Variants in KATNBL1 observed in about 807,000 individuals in gnomAD.
KATNBL1 encodes katanin regulatory subunit B1 like 1, also known as KATNB1-like protein 1.
A neutral mutation model predicts 44.7 loss-of-function variants in KATNBL1; 28 were observed. That is an observed-to-expected ratio of 0.63 (90% CI 0.46 to 0.86). The LOEUF (loss-of-function observed/expected upper bound fraction) is 0.86, where lower values mean the gene tolerates loss of function less well. Among genes scored for constraint, KATNBL1 ranks in the 40% least tolerant of loss-of-function variants. The probability of loss-of-function intolerance (pLI) is 0.00; values close to 1 mark genes in which losing one functional copy is unlikely to be tolerated. For missense variants in KATNBL1, 272 were observed against 350.7 expected (o/e 0.78, Z 1.79); for synonymous variants, 78 against 114.9 (o/e 0.68, Z 2.06).
intron 9 of KATNBL1, among the ~76,000 whole-genome samples, chr15:34,143,793 CA>C (rs560420668): frequency 0.11 from 7,118 of 64,218 alleles, 231 homozygotes; most frequent in African/African-American, 0.16. Context: ...ACTAAAAATA[CA>C]AAAAAAAAAA....
chr15:34,152,857 T>C lies in KATNBL1; in HGVS notation c.371A>G (p.Asn124Ser), dbSNP rs1338665999. Reference sequence around the variant, plus strand: ...CTGTGAAGAACCAGAATCACTGGAGTTAACCAAATATGTTCGACTATCATG... The same window carrying C: ...CTGTGAAGAACCAGAATCACTGGAGCTAACCAAATATGTTCGACTATCATG... Reference protein sequence around the residue: ...LHHDSRTYLVNSSDSGSSQTE... With the variant: ...LHHDSRTYLVSSSDSGSSQTE... The change falls in exon 4 of 10, where the codon AAC becomes AGC. Residue 124 changes from asparagine (N) to serine (S), a missense_variant. Asn to Ser is a conservative substitution (Grantham distance 46). Coordinates refer to ENST00000256544, the MANE Select transcript of KATNBL1 (RefSeq NM_024713.3). 1 of 1,613,890 alleles carries C rather than the reference T, an allele frequency of 6.2e-7. No individual in the cohort carries two copies. The highest frequency in any genetic ancestry group is 8.5e-7 in the Non-Finnish European group (1 of 1,179,796).
In KATNBL1 at chr15:34,167,417, G is replaced by A. The variant is rs111711922; in HGVS notation, c.-14-3727C>T. Among the ~76,000 whole-genome samples the A allele has an allele frequency of 7.9e-3, 1,201 of 152,188 alleles. 16 individuals carry two copies. The highest frequency in any genetic ancestry group is 0.027 in the African/African-American group (1,133 of 41,520). On this transcript the variant is annotated intron_variant, in intron 1 of 9. Coordinates refer to ENST00000256544, the MANE Select transcript of KATNBL1 (RefSeq NM_024713.3). ...TAGAGAAAAAAGAGTGAAAAGAAAC[G>A]AACAAAGCCTCCAAGAAACATGGGA...
rs1197050934 is a variant in KATNBL1 at position 34,145,603 on chromosome 15, G to A, written c.789-112C>T. 17 of 969,072 alleles carry A rather than the reference G, an allele frequency of 1.8e-5. No individual in the cohort carries two copies. In the East Asian group the frequency reaches 2.0e-4, roughly 11 times the overall value. The allele number at this position is 969,072 out of a possible 1,614,324, so 60.0% of individuals were successfully genotyped here. ...CTAAAATTTTTCAGGTATTTTTCAG[G>A]AGAAAATGATGCTATTTGAAATAAA... On this transcript the variant is annotated intron_variant, in intron 8 of 9. Coordinates refer to ENST00000256544, the MANE Select transcript of KATNBL1 (RefSeq NM_024713.3).
intron 5 of KATNBL1, chr15:34,148,416 C>G: frequency 2.8e-6 from 1 of 359,932 alleles, no homozygotes. Context: ...GACCTCATGT[C>G]TTCCAAAAAA....
Position 34,142,378 on chromosome 15 carries a change from A to G in KATNBL1, c.883-7T>C. ...ATAAATAAGCATCTACATCCTTAGA[A>G]GATAAAACAAAAACATTTCATTAGA... On this transcript the variant is annotated splice_polypyrimidine_tract_variant and splice_region_variant and intron_variant, in intron 9 of 9. Coordinates refer to ENST00000256544, the MANE Select transcript of KATNBL1 (RefSeq NM_024713.3). 6.3e-7 allele frequency: 1 copy of G among 1,582,268 alleles called. No individual in the cohort carries two copies. The highest frequency in any genetic ancestry group is 8.6e-7 in the Non-Finnish European group (1 of 1,163,154).
At chr15:34,208,797 TTAAG>T (rs1890358481) in intron 1 of KATNBL1, 1 of 152,174 alleles carries the variant, frequency 6.6e-6, no homozygotes, top group African/African-American at 2.4e-5. Context: ...TCTCCGAAGT[TTAAG>T]TAAATGAAAT....
Position 34,189,220 on chromosome 15 carries a change from T to C in KATNBL1, c.-15+20731A>G, listed in dbSNP as rs1307466182. The stretch of plus-strand genomic sequence containing the variant: ...TGTATTTTTAGTAGAGATGGGGTTT[T>C]GCCATGCTGGCCAGGCTGGTCTCGA... On this transcript the variant is annotated intron_variant, in intron 1 of 9. Coordinates refer to ENST00000256544, the MANE Select transcript of KATNBL1 (RefSeq NM_024713.3). Among the ~76,000 whole-genome samples the C allele has an allele frequency of 3.9e-5, 6 of 152,294 alleles. No individual in the cohort carries two copies. In the East Asian group the frequency reaches 9.7e-4, roughly 25 times the overall value.
At chr15:34,181,597 T>C (rs1368545341) in intron 1 of KATNBL1, among the ~76,000 whole-genome samples, 502 of 45,226 alleles carry the variant, frequency 0.011, 22 homozygotes, top group African/African-American at 0.022. Flanking sequence ...TATATACACA[T>C]ATATATGTCC....
At chr15:34,186,568 A>G (rs74007703) in intron 1 of KATNBL1, among the ~76,000 whole-genome samples, 6 of 152,204 alleles carry the variant, frequency 3.9e-5, no homozygotes, top group African/African-American at 1.4e-4. Flanking sequence ...GCCTCTTCCA[A>G]ATTGGTGGGG....
intron 1 of KATNBL1, among the ~76,000 whole-genome samples, chr15:34,191,154 CATATATATATAT>C (rs57428240): frequency 0.12 from 15,736 of 136,114 alleles, 1,138 homozygotes; most frequent in Non-Finnish European, 0.16. Context: ...AATCATAGAC[CATATATATATAT>C]ATATATATAT....
intron 1 of KATNBL1, among the ~76,000 whole-genome samples, chr15:34,186,436 G>A (rs1889718437): frequency 6.6e-6 from 1 of 152,234 alleles, no homozygotes; most frequent in South Asian, 2.1e-4. Flanking sequence ...GTGCTCTTTG[G>A]GGAGCCAGGA....
At chr15:34,145,276 T>C (rs1044036610) in intron 9 of KATNBL1, 122 bp downstream of exon 9, 22 of 1,431,194 alleles carry the variant, frequency 1.5e-5, no homozygotes, top group Admixed American at 6.3e-5. Flanking sequence ...AAATATGAAA[T>C]TGACTTTAGA....
intron 1 of KATNBL1, among the ~76,000 whole-genome samples, chr15:34,184,675 C>T (rs1430627663): frequency 6.8e-6 from 1 of 146,152 alleles, no homozygotes; most frequent in East Asian, 2.2e-4. Flanking sequence ...TGGGTTCACG[C>T]CATTCTCCTG....
intron 4 of KATNBL1, among the ~76,000 whole-genome samples, chr15:34,149,847 AAGACAGTG>A (rs1424809943): frequency 6.6e-6 from 1 of 152,216 alleles, no homozygotes; most frequent in Non-Finnish European, 1.5e-5. Flanking sequence ...CAGCCTGGGA[AAGACAGTG>A]AGACAGTGAG....
chr15:34,172,274 T>TTTTTTTTTA (rs1950953442), intron 1 of KATNBL1, among the ~76,000 whole-genome samples: 7 of 146,960 alleles, frequency 4.8e-5, no homozygotes, highest in East Asian at 2.0e-4. Flanking sequence ...TTTTTTTTTT[T>TTTTTTTTTA]GAGATGGAGT....
At chr15:34,142,545 G>A (rs568178240) in intron 9 of KATNBL1, 174 bp from the exon 10 acceptor site, 56 of 606,064 alleles carry the variant, frequency 9.2e-5, no homozygotes, top group African/African-American at 8.1e-4. Context: ...ACAGGGCCTG[G>A]CACATAGTAT....
intron 9 of KATNBL1, among the ~76,000 whole-genome samples, chr15:34,143,254 C>T (rs779198385): frequency 1.3e-3 from 195 of 151,852 alleles, no homozygotes; most frequent in Middle Eastern, 3.4e-3. Context: ...GTGGGTGGGT[C>T]ACTTGAGGTC....
chr15:34,143,027 A>G (rs766608720), intron 9 of KATNBL1: 3 of 1,253,752 alleles, frequency 2.4e-6, no homozygotes, highest in Non-Finnish European at 3.1e-6. Flanking sequence ...TTCAATTTCT[A>G]TACTCAAAAA....
chr15:34,147,725 C>T (rs73376164), intron 5 of KATNBL1, among the ~76,000 whole-genome samples: 49,778 of 151,838 alleles, frequency 0.33, 8,580 homozygotes, highest in African/African-American at 0.45. Flanking sequence ...AACAGGAAAG[C>T]GAGATAGGGA....
Sources: allele counts gnomAD v4.1 joint callset (sites outside exome capture counted in the v4.1 genomes callset), GRCh38; gene constraint gnomAD v4.1.1; transcripts MANE v1.5; gene names NCBI Gene and HGNC (gene_info 2026-07-23, HGNC 2026-07-21).